Variants in TMEM232 observed in about 807,000 individuals in gnomAD.
The protein encoded by TMEM232 is transmembrane protein 232.
In TMEM232, 80 loss-of-function variants were observed where a neutral mutation model predicts 78.8. The ratio of observed to expected loss-of-function variants is 1.01; its 90% confidence interval spans 0.85 to 1.22. The LOEUF is 1.22. Ranked by LOEUF, TMEM232 falls within the 50% of genes most tolerant of loss-of-function variation. The pLI, the probability that TMEM232 is intolerant of heterozygous loss-of-function variation, is 0.00. For synonymous variants in TMEM232, 297 were observed against 254.3 expected (o/e 1.17, Z -1.60); for missense variants, 881 against 742.2 (o/e 1.19, Z -2.17).
intron 12 of TMEM232, 65 bp from the exon 13 acceptor site, chr5:110,424,981 A>G: frequency 1.8e-6 from 2 of 1,097,270 alleles, no homozygotes; most frequent in Middle Eastern, 2.0e-4. Context: ...CAGAAATAGA[A>G]TTGTAACTAA....
intron 1 of TMEM232, among the ~76,000 whole-genome samples, chr5:110,680,041 C>A (rs1792519649): frequency 2.0e-5 from 3 of 152,102 alleles, no homozygotes; most frequent in Non-Finnish European, 4.4e-5. Context: ...TACATTTAGT[C>A]TCTGGAGTTG....
intron 3 of TMEM232, among the ~76,000 whole-genome samples, chr5:110,391,819 A>T (rs966691992): frequency 6.6e-6 from 1 of 152,230 alleles, no homozygotes; most frequent in Non-Finnish European, 1.5e-5. Context: ...TTGTAAAAAC[A>T]GAAGAATGAA....
intron 12 of TMEM232, among the ~76,000 whole-genome samples, chr5:110,474,176 A>G (rs1762989668): frequency 6.6e-6 from 1 of 151,962 alleles, no homozygotes; most frequent in Admixed American, 6.6e-5. Flanking sequence ...TGTTTGAGAT[A>G]AATGATTTGC....
intron 12 of TMEM232, among the ~76,000 whole-genome samples, chr5:110,487,026 C>T (rs533381388): frequency 1.7e-4 from 26 of 151,964 alleles, no homozygotes; most frequent in Non-Finnish European, 3.1e-4. Flanking sequence ...AGAGGTCTTT[C>T]ACCTCCTTGG....
chr5:110,667,731 T>C, intron 1 of TMEM232: 1 of 155,982 alleles, frequency 6.4e-6, no homozygotes, highest in Non-Finnish European at 1.4e-5. Context: ...ATAGAGTTCC[T>C]GTGAGAAATA....
chr5:110,540,676 A>G (rs1384406020), intron 11 of TMEM232, among the ~76,000 whole-genome samples: 1 of 152,228 alleles, frequency 6.6e-6, no homozygotes, highest in Non-Finnish European at 1.5e-5. Context: ...AAATCGTAGT[A>G]CAATTGAAGC....
At chr5:110,724,054 A>T (rs1490407964) in intron 1 of TMEM232, among the ~76,000 whole-genome samples, 1 of 152,176 alleles carries the variant, frequency 6.6e-6, no homozygotes, top group Non-Finnish European at 1.5e-5. Context: ...GTTATATTCC[A>T]TCAAATACAA....
intron 5 of TMEM232, among the ~76,000 whole-genome samples, chr5:110,631,355 C>CAG (rs1183511183): frequency 6.6e-6 from 1 of 152,120 alleles, no homozygotes; most frequent in Non-Finnish European, 1.5e-5. Flanking sequence ...GGCTTGCAAG[C>CAG]AGAGAGAGAG....
At chr5:110,393,241 A>C (rs1755268892) in intron 3 of TMEM232, among the ~76,000 whole-genome samples, 1 of 152,206 alleles carries the variant, frequency 6.6e-6, no homozygotes, top group Non-Finnish European at 1.5e-5. Context: ...TGTTCTATCA[A>C]ATGCTGAGAG....
chr5:110,700,945 G>C (rs887190959), intron 1 of TMEM232, among the ~76,000 whole-genome samples: 1 of 151,758 alleles, frequency 6.6e-6, no homozygotes, highest in African/African-American at 2.4e-5. Context: ...AATATTAGGG[G>C]TATCTAATCA....
chr5:110,564,481 C>T (rs1228943860), intron 11 of TMEM232, among the ~76,000 whole-genome samples: 1 of 151,976 alleles, frequency 6.6e-6, no homozygotes, highest in South Asian at 2.1e-4. Flanking sequence ...TAAACTTTAA[C>T]AAAAAGTTTA....
chr5:110,600,415 G>C (rs1780739555), intron 10 of TMEM232, among the ~76,000 whole-genome samples: 1 of 152,202 alleles, frequency 6.6e-6, no homozygotes, highest in East Asian at 1.9e-4. Flanking sequence ...TAGAACGCTA[G>C]CCAGACTATT....
intron 13 of TMEM232, among the ~76,000 whole-genome samples, chr5:110,423,790 T>TGC (rs149111061): frequency 1.3e-5 from 2 of 151,374 alleles, no homozygotes; most frequent in Non-Finnish European, 2.9e-5. Context: ...CGTGTGTGTG[T>TGC]GTGTGTGTGT....
intron 2 of TMEM232, among the ~76,000 whole-genome samples, chr5:110,653,647 T>C (rs1788635134): frequency 1.3e-5 from 2 of 152,048 alleles, no homozygotes; most frequent in African/African-American, 4.8e-5. Flanking sequence ...TGATGAATAA[T>C]GGGATATGAG....
chr5:110,549,084 C>T (rs1260045414), intron 11 of TMEM232, among the ~76,000 whole-genome samples: 1 of 151,786 alleles, frequency 6.6e-6, no homozygotes, highest in Non-Finnish European at 1.5e-5. Flanking sequence ...TAAAATATTG[C>T]TTATCACACT....
rs1005918072 is a variant in TMEM232, at chr5:110,448,830, A to G, written c.1704-23914T>C. 7.2e-5 allele frequency among the ~76,000 whole-genome samples: 11 copies of G among 152,076 alleles called. 1 individual carries two copies. In the East Asian group the frequency reaches 7.7e-4, roughly 11 times the overall value. On this transcript the variant is annotated intron_variant, in intron 12 of 13. Transcript: ENST00000455884. ...ATCATAAGAATTAAAAACAGAATAT[A>G]TGAGCTCCAAATCACTGGGGTACAT...
chr5:110,481,768 T>C (rs1763891598), intron 12 of TMEM232, among the ~76,000 whole-genome samples: 1 of 152,130 alleles, frequency 6.6e-6, no homozygotes, highest in Admixed American at 6.6e-5. Context: ...TCGTTGGTCT[T>C]TTACATCCAG....
At chr5:110,663,664 C>G (rs1790110996) in intron 2 of TMEM232, among the ~76,000 whole-genome samples, 2 of 133,770 alleles carry the variant, frequency 1.5e-5, no homozygotes, top group African/African-American at 5.2e-5. Flanking sequence ...CCAAATTGAT[C>G]TGTTAGGTGT....
intron 12 of TMEM232, among the ~76,000 whole-genome samples, chr5:110,491,253 C>T (rs1450815806): frequency 6.6e-6 from 1 of 151,926 alleles, no homozygotes; most frequent in African/African-American, 2.4e-5. Context: ...GGGAAATGAA[C>T]ATTAAAAACA....
Sources: gnomAD v4.1 joint callset for allele counts (sites outside exome capture counted in the v4.1 genomes callset) on GRCh38, gnomAD v4.1.1 for gene constraint, MANE v1.5 for transcripts, NCBI Gene and HGNC (gene_info 2026-07-23, HGNC 2026-07-21) for gene names.